The following MTBP variants were observed in gnomAD, a reference collection of about 807,000 sequenced individuals.
MTBP encodes MDM2 binding protein.
MTBP carries 101 observed loss-of-function variants against 117.0 expected under a neutral mutation model. The observed-to-expected ratio is 0.86, with a 90% confidence interval of 0.73 to 1.02. The LOEUF is 1.02. Ranked by LOEUF, MTBP falls within the 50% of genes least tolerant of loss-of-function variation. The pLI is 0.00. For missense variants in MTBP, 970 were observed against 1,030.9 expected (o/e 0.94, Z 0.81); for synonymous variants, 350 against 351.5 (o/e 1.00, Z 0.05).
At chr8:120,461,492 A>G (rs1043391388) in intron 9 of MTBP, among the ~76,000 whole-genome samples, 2 of 152,234 alleles carry the variant, frequency 1.3e-5, no homozygotes, top group Non-Finnish European at 1.5e-5. Context: ...CTTCCTCCCT[A>G]TGCAAGCATC....
rs1424080687 is a variant in MTBP at position 120,517,945 on chromosome 8, A to G, written c.2341A>G (p.Thr781Ala). The G allele has an allele frequency of 1.2e-6, 2 of 1,612,732 alleles. No homozygotes were observed. Among genetic ancestry groups the G allele is most frequent in the East Asian group, 2.2e-5 (1 of 44,832 alleles). The change falls in exon 19 of 22, where the codon ACA becomes GCA. Residue 781 changes from threonine (T) to alanine (A), a missense_variant. Transcript: ENST00000305949. ...HHHVTSRKPQ[T>A]ERSLPVTCPL... Reference sequence around the variant, plus strand: ...TCATGTGACATCCAGAAAGCCACAAACAGAACGGTCCTTACCAGTGACTTG... The same window carrying G: ...TCATGTGACATCCAGAAAGCCACAAGCAGAACGGTCCTTACCAGTGACTTG...
chr8:120,519,675 G>A (rs1279596947), intron 20 of MTBP, among the ~76,000 whole-genome samples: 1 of 152,124 alleles, frequency 6.6e-6, no homozygotes, highest in African/African-American at 2.4e-5. Context: ...GTGTAACAGA[G>A]TGAAAAGAGT....
rs754331278 is a variant in MTBP at position 120,506,827 on chromosome 8, A to G, written c.1849A>G (p.Ile617Val). 3 of 1,612,926 alleles carry G rather than the reference A, an allele frequency of 1.9e-6. No homozygotes were observed. Among genetic ancestry groups the G allele is most frequent in the East Asian group, 4.5e-5 (2 of 44,840 alleles). ...LKYFTSDGLP[I>V]GDLQPLPIQK... is the part of the protein sequence containing the mutation. ...GTACTTTACCTCAGATGGATTACCC[A>G]TTGGAGATCTTCAACCTTTACCGAT... Residue 617 changes from isoleucine (I) to valine (V), a missense_variant, in exon 16 of 22, where the codon ATT (isoleucine) becomes GTT (valine). By Grantham distance (29) the Ile-to-Val change is conservative. Coordinates refer to ENST00000305949, the MANE Select transcript of MTBP (RefSeq NM_022045.5).
intron 13 of MTBP, among the ~76,000 whole-genome samples, chr8:120,493,281 G>A (rs979644236): frequency 2.6e-5 from 4 of 152,074 alleles, no homozygotes; most frequent in Admixed American, 1.3e-4. Context: ...ACTCATTTGT[G>A]TGAAGACTAT....
chr8:120,488,413 A>G, intron 12 of MTBP, 81 bp downstream of exon 12: 1 of 1,012,018 alleles, frequency 9.9e-7, no homozygotes, highest in Non-Finnish European at 1.3e-6. Context: ...AGTAGAAGAA[A>G]TACTAAACAT....
At position 120,506,971 on chromosome 8, in the gene MTBP, A is replaced by G. The variant is rs771360678; in HGVS notation, c.1883+110A>G. The G allele has an allele frequency of 6.5e-5, 58 of 894,530 alleles. No homozygotes were observed. In the Middle Eastern group the frequency reaches 9.2e-4, roughly 14 times the overall value. 55.4% of individuals were successfully genotyped at this position (894,530 alleles called of 1,614,324 possible). A position where few individuals can be genotyped will look rare whatever the true frequency, so the allele number is the denominator to read the frequency against. ...GTCCTATGCTACTCAGGGAAAATTT[A>G]TAAGTTTGATCCCAATGTTTGTCTG... On this transcript the variant is annotated intron_variant, in intron 16 of 21. Coordinates refer to ENST00000305949, the MANE Select transcript of MTBP (RefSeq NM_022045.5).
At chr8:120,519,793 C>T (rs7009779) in intron 20 of MTBP, among the ~76,000 whole-genome samples, 81,181 of 151,850 alleles carry the variant, frequency 0.53, 24,742 homozygotes, top group Non-Finnish European at 0.67. Context: ...AAAGCAGGGG[C>T]GAGGGTCCAT....
chr8:120,505,749 GTGAAACCTCTAAC>G (rs1814673575), intron 15 of MTBP, among the ~76,000 whole-genome samples: 1 of 152,166 alleles, frequency 6.6e-6, no homozygotes, highest in Admixed American at 6.5e-5. Flanking sequence ...TCAGTGCATA[GTGAAACCTCTAAC>G]TGAAACCTCT....
chr8:120,447,892 C>A (rs1813261001), intron 2 of MTBP, among the ~76,000 whole-genome samples: 1 of 151,786 alleles, frequency 6.6e-6, no homozygotes, highest in Middle Eastern at 3.4e-3. Flanking sequence ...TTATCATATT[C>A]CAGTTGTATC....
rs189697549 is a variant in MTBP at position 120,501,644 on chromosome 8, A to G, written c.1610-848A>G. ...AATGAATATTTTTGTTAATGTTGAT[A>G]GTTAATCAAATAGCTAATGTTAATA... On this transcript the variant is annotated intron_variant, in intron 14 of 21. Coordinates refer to ENST00000305949, the MANE Select transcript of MTBP (RefSeq NM_022045.5). Among the ~76,000 whole-genome samples the G allele has an allele frequency of 1.4e-4, 21 of 152,232 alleles. No individual in the cohort carries two copies. The East Asian group carries it at 4.0e-3, about 29-fold the overall frequency.
chr8:120,505,477 A>G (rs140956189), intron 15 of MTBP, among the ~76,000 whole-genome samples: 228 of 152,244 alleles, frequency 1.5e-3, no homozygotes, highest in African/African-American at 5.4e-3. Context: ...GACTGTTTTT[A>G]TTAGATTAAT....
chr8:120,509,204 G>C (rs930056532), intron 16 of MTBP, among the ~76,000 whole-genome samples: 1 of 152,144 alleles, frequency 6.6e-6, no homozygotes, highest in Non-Finnish European at 1.5e-5. Context: ...TACTTTTATT[G>C]TTACCAAAGA....
chr8:120,458,702 A>C (rs1813520519), intron 7 of MTBP, among the ~76,000 whole-genome samples: 1 of 151,916 alleles, frequency 6.6e-6, no homozygotes, highest in Non-Finnish European at 1.5e-5. Flanking sequence ...TTAGCTGGGC[A>C]TGGTGGCAGG....
chr8:120,520,297 T>A (rs7461458), intron 20 of MTBP, among the ~76,000 whole-genome samples: 81,330 of 151,900 alleles, frequency 0.54, 24,783 homozygotes, highest in Non-Finnish European at 0.67. Context: ...GCTCCATAAC[T>A]TTAAAAATAT....
chr8:120,445,559 C>T lies in MTBP; in HGVS notation c.89C>T (p.Ser30Leu), dbSNP rs1428802913. The change falls in exon 1 of 22, where the codon TCG becomes TTG. Residue 30 changes from serine (S) to leucine (L), a missense_variant. Physicochemically the swap from Ser to Leu is moderately radical, Grantham distance 145 (BLOSUM62 -2). Transcript: ENST00000305949. ...SREAEHGPEVSSGEGTENQPD... is the reference protein window; with the variant it reads ...SREAEHGPEVLSGEGTENQPD... ...GAGGCAGAACATGGGCCAGAGGTGT[C>T]GTCGGGTGAGGGTACTGAGAATCAG... 6.2e-7 allele frequency: 1 copy of T among 1,612,768 alleles called. No homozygotes were observed.
rs778798109 is a variant in MTBP at position 120,518,828 on chromosome 8, T to C, written c.2610+11T>C. 1.3e-6 allele frequency: 2 copies of C among 1,568,010 alleles called. No individual in the cohort carries two copies. Among genetic ancestry groups the C allele is most frequent in the Admixed American group, 3.7e-5 (2 of 54,050 alleles). On this transcript the variant is annotated intron_variant, in intron 20 of 21. Coordinates refer to ENST00000305949, the MANE Select transcript of MTBP (RefSeq NM_022045.5). Reference sequence around the variant, plus strand: ...AAGTTCTATCTAAAGGTACGGTATCTTCTCTACTAATGGCAAAATTTAGTT... The same window carrying C: ...AAGTTCTATCTAAAGGTACGGTATCCTCTCTACTAATGGCAAAATTTAGTT...
chr8:120,508,779 CTATT>C (rs781716535), intron 16 of MTBP, among the ~76,000 whole-genome samples: 2 of 152,150 alleles, frequency 1.3e-5, no homozygotes, highest in Non-Finnish European at 2.9e-5. Flanking sequence ...TACCTAGTAA[CTATT>C]TAAAGACCAC....
chr8:120,461,350 C>A, intron 9 of MTBP, 95 bp downstream of exon 9: 1 of 823,138 alleles, frequency 1.2e-6, no homozygotes, highest in Non-Finnish European at 1.9e-6. Context: ...TTAGGTATAT[C>A]TTTTTCATTA....
intron 11 of MTBP, chr8:120,472,834 A>C (rs748255842): frequency 6.6e-6 from 1 of 152,222 alleles, no homozygotes; most frequent in African/African-American, 2.4e-5. Context: ...GAATAATAGG[A>C]AGCCACCAAT....
Sources: gnomAD v4.1 joint callset for allele counts (sites outside exome capture counted in the v4.1 genomes callset) on GRCh38, gnomAD v4.1.1 for gene constraint, MANE v1.5 for transcripts, NCBI Gene and HGNC (gene_info 2026-07-23, HGNC 2026-07-21) for gene names.